SGCD: variants seen among roughly 807,000 people sequenced by gnomAD.
SGCD encodes the protein delta-sarcoglycan.
In SGCD, 18 loss-of-function variants were observed where a neutral mutation model predicts 36.6. That is an observed-to-expected ratio of 0.49 (90% confidence interval 0.34 to 0.73). The LOEUF (loss-of-function observed/expected upper bound fraction) is 0.73, where lower values mean the gene tolerates loss of function less well. SGCD is among the 30% of genes least tolerant of loss of function. The probability of loss-of-function intolerance (pLI) is 0.01; values close to 1 mark genes in which losing one functional copy is unlikely to be tolerated. For missense variants in SGCD, 387 were observed against 346.7 expected, an observed-to-expected ratio of 1.12 and a Z score of -0.92; for synonymous variants, 133 against 130.6, an observed-to-expected ratio of 1.02 and a Z score of -0.12.
At chr5:156,360,257 T>C (rs553605294) in intron 3 of SGCD, among the ~76,000 whole-genome samples, 1 of 151,958 alleles carries the variant, frequency 6.6e-6, no homozygotes, top group South Asian at 2.1e-4. Context: ...TTTTTTTTTT[T>C]TTTTTTGGAG....
intron 3 of SGCD, among the ~76,000 whole-genome samples, chr5:156,152,722 C>G (rs956765038): frequency 6.6e-6 from 1 of 151,582 alleles, no homozygotes; most frequent in Non-Finnish European, 1.5e-5. Context: ...AATCTGACTA[C>G]TAGAAAGTTT....
intron 3 of SGCD, among the ~76,000 whole-genome samples, chr5:156,369,957 G>A (rs1770296363): frequency 2.0e-5 from 3 of 152,124 alleles, no homozygotes; most frequent in Admixed American, 2.0e-4. Flanking sequence ...CATCAAAATG[G>A]CCTTAATGGC....
the SGCD span, among the ~76,000 whole-genome samples, chr5:155,779,953 A>C: frequency 1.3e-5 from 2 of 152,160 alleles, no homozygotes; most frequent in Non-Finnish European, 2.9e-5. Context: ...CTCTTTTATG[A>C]TTTTCCCATC....
intron 3 of SGCD, among the ~76,000 whole-genome samples, chr5:156,129,430 G>T (rs1762256421): frequency 2.0e-5 from 3 of 152,140 alleles, no homozygotes. Context: ...CCAAGGCCTG[G>T]CTTAATCATC....
rs142806785 is a variant in SGCD, at chr5:156,400,392, A to C, written c.192+55715A>C. 9.9e-3 allele frequency among the ~76,000 whole-genome samples: 1,504 copies of C among 152,324 alleles called. 11 individuals carry two copies. The highest frequency in any genetic ancestry group is 0.024 in the Middle Eastern group (7 of 294). Reference sequence around the variant, plus strand: ...TCCTGTCTGACTTGAGGATATGATGACCTACTTTAAACTCAAGTGCCAAGG... The same window carrying C: ...TCCTGTCTGACTTGAGGATATGATGCCCTACTTTAAACTCAAGTGCCAAGG... On this transcript the variant is annotated intron_variant, in intron 3 of 8. Coordinates refer to ENST00000337851, the MANE Select transcript of SGCD (RefSeq NM_000337.6).
intron 1 of SGCD, among the ~76,000 whole-genome samples, chr5:155,996,637 G>C (rs1186800246): frequency 6.6e-6 from 1 of 151,886 alleles, no homozygotes; most frequent in Non-Finnish European, 1.5e-5. Flanking sequence ...AATTAGCTGG[G>C]CATGGTGGTG....
rs146832478 is a variant in SGCD at position 156,552,037 on chromosome 5, A to T, written c.295-37194A>T. ...TTGTTTAACCTTAAGGAAGGGTAGC[A>T]TCTGTTATGTACTGCCCAGGCCTTT... On this transcript the variant is annotated intron_variant, in intron 4 of 8. Coordinates refer to ENST00000337851, the MANE Select transcript of SGCD (RefSeq NM_000337.6). Among the ~76,000 whole-genome samples, 95 of 152,312 alleles carry T rather than the reference A, an allele frequency of 6.2e-4. No homozygotes were observed. The South Asian group carries it at 0.016, about 25-fold the overall frequency.
chr5:155,742,001 C>T, the SGCD span, among the ~76,000 whole-genome samples: 3 of 152,170 alleles, frequency 2.0e-5, no homozygotes, highest in African/African-American at 2.4e-5. Context: ...AGTAGTTTTT[C>T]GGGTTTACTT....
chr5:156,600,180 C>G (rs1235346796), intron 6 of SGCD, among the ~76,000 whole-genome samples: 2 of 152,134 alleles, frequency 1.3e-5, no homozygotes, highest in Non-Finnish European at 2.9e-5. Flanking sequence ...AAAAACCAGT[C>G]TTGTAGCTAT....
intron 3 of SGCD, among the ~76,000 whole-genome samples, chr5:156,225,487 G>A (rs1350478003): frequency 6.6e-6 from 1 of 152,008 alleles, no homozygotes; most frequent in Admixed American, 6.6e-5. Context: ...GCTGCCAACT[G>A]GAAAGTTAAA....
chr5:156,155,189 A>C (rs1362589747), intron 3 of SGCD, among the ~76,000 whole-genome samples: 1 of 151,606 alleles, frequency 6.6e-6, no homozygotes, highest in African/African-American at 2.4e-5. Context: ...TCTCTATGAA[A>C]AATTATCTAT....
intron 4 of SGCD, among the ~76,000 whole-genome samples, chr5:156,572,910 T>TTTGAGGA (rs1581188376): frequency 6.6e-6 from 1 of 152,182 alleles, no homozygotes; most frequent in East Asian, 1.9e-4. Flanking sequence ...TCACTCCTCT[T>TTTGAGGA]GTCTCTCTTT....
intron 1 of SGCD, among the ~76,000 whole-genome samples, chr5:155,904,563 A>T (rs948380508): frequency 6.6e-6 from 1 of 152,188 alleles, no homozygotes; most frequent in African/African-American, 2.4e-5. Flanking sequence ...AAGAATAATT[A>T]CGCCCTAAAT....
At chr5:155,961,779 T>C (rs1757795108) in intron 1 of SGCD, among the ~76,000 whole-genome samples, 1 of 152,116 alleles carries the variant, frequency 6.6e-6, no homozygotes, top group African/African-American at 2.4e-5. Context: ...CTTACTTTAA[T>C]CCAAGCCTTT....
intron 1 of SGCD, among the ~76,000 whole-genome samples, chr5:155,892,879 C>G (rs993346916): frequency 1.3e-5 from 2 of 152,148 alleles, no homozygotes; most frequent in African/African-American, 4.8e-5. Context: ...TACGCATGAT[C>G]TCACTCATAT....
At chr5:156,463,731 G>A (rs532446673) in intron 3 of SGCD, among the ~76,000 whole-genome samples, 7 of 152,172 alleles carry the variant, frequency 4.6e-5, no homozygotes, top group East Asian at 3.9e-4. Context: ...GCGGTGGTGC[G>A]TGCTAGTAAT....
chr5:156,604,495 T>G (rs1209962954), intron 6 of SGCD, among the ~76,000 whole-genome samples: 1 of 151,978 alleles, frequency 6.6e-6, no homozygotes, highest in Non-Finnish European at 1.5e-5. Context: ...CTTGTTTATG[T>G]ATCTGCTGTA....
intron 3 of SGCD, among the ~76,000 whole-genome samples, chr5:156,499,481 T>C (rs777203112): frequency 4.6e-5 from 7 of 152,188 alleles, no homozygotes; most frequent in Non-Finnish European, 5.9e-5. Flanking sequence ...ATGTATGTGA[T>C]ATAAGATATG....
At chr5:156,196,466 G>C (rs986359162) in intron 3 of SGCD, among the ~76,000 whole-genome samples, 11 of 152,082 alleles carry the variant, frequency 7.2e-5, no homozygotes, top group Non-Finnish European at 1.3e-4. Context: ...CACAATCTTT[G>C]CACATCAGAA....
Sources: allele counts gnomAD v4.1 joint callset (sites outside exome capture counted in the v4.1 genomes callset), GRCh38; gene constraint gnomAD v4.1.1; transcripts MANE v1.5; gene names NCBI Gene and HGNC (gene_info 2026-07-23, HGNC 2026-07-21).